Variants in CSMD1 observed in about 807,000 individuals in gnomAD.
CSMD1 encodes the protein CUB and Sushi multiple domains 1.
A neutral mutation model predicts 417.5 loss-of-function variants in CSMD1; 213 were observed. That is an observed-to-expected ratio of 0.51 (90% CI 0.46 to 0.57). CSMD1 has a LOEUF of 0.57. Ranked by LOEUF, CSMD1 falls within the 20% of genes least tolerant of loss-of-function variation. The pLI is 0.00. For missense variants in CSMD1, 6,923 were observed against 4,529.7 expected (o/e 1.53, Z -15.17); for synonymous variants, 2,862 against 1,736.8 (o/e 1.65, Z -16.11).
intron 6 of CSMD1, among the ~76,000 whole-genome samples, chr8:3,746,311 T>G (rs903992205): frequency 1.3e-5 from 2 of 152,216 alleles, no homozygotes; most frequent in African/African-American, 4.8e-5. Flanking sequence ...TCTTGAAGCA[T>G]AAGAACTTAA....
chr8:4,211,878 A>G (rs1004833635), intron 3 of CSMD1, among the ~76,000 whole-genome samples: 6 of 152,188 alleles, frequency 3.9e-5, no homozygotes, highest in Admixed American at 6.5e-5. Flanking sequence ...ACCCAACATC[A>G]TATCTACAGA....
chr8:3,689,243 C>T (rs377523186), intron 7 of CSMD1, among the ~76,000 whole-genome samples: 1 of 152,264 alleles, frequency 6.6e-6, no homozygotes, highest in African/African-American at 2.4e-5. Context: ...TCCACAGTTA[C>T]CATGAAGTGA....
At chr8:3,819,864 G>T (rs1301529848) in intron 5 of CSMD1, among the ~76,000 whole-genome samples, 1 of 152,068 alleles carries the variant, frequency 6.6e-6, no homozygotes, top group Non-Finnish European at 1.5e-5. Flanking sequence ...TTTTGCAAGG[G>T]GTAAACTAAA....
chr8:4,441,095 G>GTTTTTTGTTTTT lies in CSMD1; in HGVS notation c.303-21031_303-21030insAAAAACAAAAAA, dbSNP rs1554478144. ...AATAATTTGACTCGTTAATCAAAAG[G>GTTTTTTGTTTTT]TTTTTTTTTTTTTTTTTTTTTTTAA... On this transcript the variant is annotated intron_variant, in intron 2 of 69. Transcript: ENST00000635120. 6.2e-4 allele frequency among the ~76,000 whole-genome samples: 32 copies of GTTTTTTGTTTTT among 51,322 alleles called. 3 individuals carry two copies. Among genetic ancestry groups the GTTTTTTGTTTTT allele is most frequent in the African/African-American group, 2.1e-3 (31 of 15,010 alleles). 33.7% of individuals were successfully genotyped at this position (51,322 alleles called of 152,430 possible).
chr8:3,479,988 A>G (rs1279386299), intron 11 of CSMD1, among the ~76,000 whole-genome samples: 1 of 152,220 alleles, frequency 6.6e-6, no homozygotes, highest in Non-Finnish European at 1.5e-5. Context: ...TAAAATTGAA[A>G]TGAGCAATAA....
chr8:4,251,836 G>C (rs1328305056), intron 3 of CSMD1, among the ~76,000 whole-genome samples: 1 of 145,688 alleles, frequency 6.9e-6, no homozygotes, highest in Non-Finnish European at 1.5e-5. Flanking sequence ...GATGGAAGAG[G>C]AGAGATGCAG....
intron 3 of CSMD1, among the ~76,000 whole-genome samples, chr8:4,072,617 A>C (rs1259429146): frequency 6.6e-6 from 1 of 152,154 alleles, no homozygotes; most frequent in African/African-American, 2.4e-5. Flanking sequence ...TTCTGTGTTT[A>C]TGTTTTGAAA....
intron 3 of CSMD1, among the ~76,000 whole-genome samples, chr8:4,049,900 T>G (rs1163859937): frequency 1.3e-5 from 1 of 78,554 alleles, no homozygotes; most frequent in Non-Finnish European, 2.4e-5. Context: ...AACGTTCGCT[T>G]TCTGTTTCAG....
chr8:3,934,076 C>G (rs934819582), intron 5 of CSMD1, among the ~76,000 whole-genome samples: 1 of 152,128 alleles, frequency 6.6e-6, no homozygotes, highest in Non-Finnish European at 1.5e-5. Context: ...ACCATGGCCA[C>G]TATTTCTTTT....
chr8:3,734,884 C>G (rs77794450), intron 6 of CSMD1, among the ~76,000 whole-genome samples: 80 of 152,270 alleles, frequency 5.3e-4, no homozygotes, highest in Non-Finnish European at 8.4e-4. Context: ...TAGGGCTGTA[C>G]TGAAGCAATT....
intron 7 of CSMD1, among the ~76,000 whole-genome samples, chr8:3,672,855 T>C (rs940071092): frequency 6.6e-6 from 1 of 152,206 alleles, no homozygotes; most frequent in South Asian, 2.1e-4. Context: ...ACGCAGCTTC[T>C]ACTCCTCCTT....
At chr8:4,779,977 G>C (rs974191540) in intron 1 of CSMD1, among the ~76,000 whole-genome samples, 1 of 150,614 alleles carries the variant, frequency 6.6e-6, no homozygotes, top group Non-Finnish European at 1.5e-5. Flanking sequence ...ATAAATTCTT[G>C]GCTTTTCAGC....
intron 10 of CSMD1, among the ~76,000 whole-genome samples, chr8:3,499,313 A>C (rs946888504): frequency 1.3e-5 from 2 of 151,852 alleles, no homozygotes; most frequent in African/African-American, 4.8e-5. Context: ...GTGTTTGTGG[A>C]AGTGTTGGTT....
intron 2 of CSMD1, among the ~76,000 whole-genome samples, chr8:4,427,281 T>G (rs1354107773): frequency 6.6e-6 from 1 of 152,130 alleles, no homozygotes; most frequent in African/African-American, 2.4e-5. Flanking sequence ...TTATGTGGCC[T>G]TGGTGAGCAG....
intron 2 of CSMD1, among the ~76,000 whole-genome samples, chr8:4,635,629 G>T (rs1802773727): frequency 6.6e-6 from 1 of 152,000 alleles, no homozygotes; most frequent in Non-Finnish European, 1.5e-5. Context: ...TGAATAAAAT[G>T]GATTGTCTAA....
intron 10 of CSMD1, among the ~76,000 whole-genome samples, chr8:3,508,755 A>T (rs572630824): frequency 6.6e-6 from 1 of 152,310 alleles, no homozygotes; most frequent in South Asian, 2.1e-4. Flanking sequence ...CATTCTATTT[A>T]GACCGAATAG....
intron 3 of CSMD1, among the ~76,000 whole-genome samples, chr8:4,360,975 T>G (rs1276913302): frequency 6.6e-6 from 1 of 152,196 alleles, no homozygotes; most frequent in Non-Finnish European, 1.5e-5. Context: ...TGACTGACAG[T>G]AGATATTTGA....
chr8:4,726,941 C>T (rs915577252), intron 1 of CSMD1, among the ~76,000 whole-genome samples: 6 of 151,980 alleles, frequency 3.9e-5, no homozygotes, highest in African/African-American at 1.5e-4. Flanking sequence ...GGGGATTGTA[C>T]ATATGTACTT....
chr8:3,088,226 C>T (rs879713177), intron 48 of CSMD1, among the ~76,000 whole-genome samples: 1 of 152,208 alleles, frequency 6.6e-6, no homozygotes, highest in Admixed American at 6.5e-5. Context: ...ATCTTATTTA[C>T]ACGTTTAGAC....
Sources: gnomAD v4.1 joint callset for allele counts (sites outside exome capture counted in the v4.1 genomes callset) on GRCh38, gnomAD v4.1.1 for gene constraint, MANE v1.5 for transcripts, NCBI Gene and HGNC (gene_info 2026-07-23, HGNC 2026-07-21) for gene names.